Variants in GRK5 observed in about 807,000 individuals in gnomAD.
GRK5 encodes the protein G protein-coupled receptor kinase 5.
In GRK5, 40 loss-of-function variants were observed where a neutral mutation model predicts 78.4. The ratio of observed to expected loss-of-function variants is 0.51; its 90% CI spans 0.40 to 0.66. The LOEUF (loss-of-function observed/expected upper bound fraction) is 0.66. Ranked by LOEUF, GRK5 falls within the 30% of genes least tolerant of loss-of-function variation. The probability of loss-of-function intolerance (pLI) is 0.00; values close to 1 mark genes in which losing one functional copy is unlikely to be tolerated. For missense variants in GRK5, 598 were observed against 759.9 expected (o/e 0.79, Z 2.50); for synonymous variants, 289 against 296.8 (o/e 0.97, Z 0.27).
At chr10:119,394,388 CTGTGT>C (rs1851979303) in intron 3 of GRK5, among the ~76,000 whole-genome samples, 1 of 20,542 alleles carries the variant, frequency 4.9e-5, no homozygotes, top group African/African-American at 2.0e-4. Flanking sequence ...GTGTGTGTAT[CTGTGT>C]CTGTGTGTGG....
At chr10:119,286,310 G>A (rs1849845537) in intron 1 of GRK5, among the ~76,000 whole-genome samples, 1 of 152,244 alleles carries the variant, frequency 6.6e-6, no homozygotes. Context: ...TTCCCAAAGT[G>A]CTTTAAGTCC....
chr10:119,418,592 G>T (rs1852510040), intron 4 of GRK5, among the ~76,000 whole-genome samples: 1 of 152,178 alleles, frequency 6.6e-6, no homozygotes, highest in Non-Finnish European at 1.5e-5. Context: ...ACTCTGGCAG[G>T]GCCAGGCTGA....
intron 1 of GRK5, among the ~76,000 whole-genome samples, chr10:119,300,563 C>T (rs766273315): frequency 7.9e-5 from 12 of 152,290 alleles, no homozygotes; most frequent in Middle Eastern, 3.4e-3. Context: ...GATAGTCGCC[C>T]AGCTTATAAA....
chr10:119,428,659 C>T (rs1852750691), intron 6 of GRK5, among the ~76,000 whole-genome samples: 1 of 152,104 alleles, frequency 6.6e-6, no homozygotes, highest in African/African-American at 2.4e-5. Flanking sequence ...TGGTCACTGG[C>T]TTTCCTTTTT....
intron 9 of GRK5, among the ~76,000 whole-genome samples, chr10:119,439,242 G>A (rs990280885): frequency 6.6e-6 from 1 of 152,280 alleles, no homozygotes; most frequent in Non-Finnish European, 1.5e-5. Flanking sequence ...CCAGGCTGTA[G>A]CGTAGCTGGT....
chr10:119,314,257 C>T (rs1047409353), intron 1 of GRK5, among the ~76,000 whole-genome samples: 2 of 152,258 alleles, frequency 1.3e-5, no homozygotes, highest in Non-Finnish European at 2.9e-5. Flanking sequence ...TCCAGCCCCT[C>T]TCGCCGCCTC....
chr10:119,387,201 G>A (rs1272650338), intron 3 of GRK5, among the ~76,000 whole-genome samples: 8 of 152,112 alleles, frequency 5.3e-5, no homozygotes, highest in Non-Finnish European at 7.4e-5. Context: ...ATGGGGTTTC[G>A]CCATGTTGGC....
At chr10:119,346,894 C>G (rs185452384) in intron 2 of GRK5, among the ~76,000 whole-genome samples, 3 of 152,184 alleles carry the variant, frequency 2.0e-5, no homozygotes, top group Non-Finnish European at 4.4e-5. Flanking sequence ...CTCTCGGGCC[C>G]GTGTGGAGGG....
At chr10:119,394,181 G>GTGTGAGTATCCGT (rs1371175834) in intron 3 of GRK5, among the ~76,000 whole-genome samples, 3 of 33,350 alleles carry the variant, frequency 9.0e-5, no homozygotes, top group Non-Finnish European at 1.3e-4. Context: ...TGTGTGTGTG[G>GTGTGAGTATCCGT]GTGTCTGTGT....
chr10:119,318,509 C>T (rs1850529609), intron 1 of GRK5, among the ~76,000 whole-genome samples: 1 of 152,186 alleles, frequency 6.6e-6, no homozygotes, highest in South Asian at 2.1e-4. Context: ...CTTAGACCGT[C>T]CACATCACCA....
At chr10:119,216,739 G>A (rs1260765182) in intron 1 of GRK5, among the ~76,000 whole-genome samples, 3 of 152,146 alleles carry the variant, frequency 2.0e-5, no homozygotes, top group East Asian at 1.9e-4. Flanking sequence ...GATCACTTGC[G>A]GTCAGGAGTT....
Position 119,240,107 on chromosome 10 carries a change from A to G in GRK5, c.52+32138A>G, listed in dbSNP as rs148899811. Among the ~76,000 whole-genome samples, 1,502 of 151,434 alleles carry G rather than the reference A, an allele frequency of 9.9e-3. 30 individuals carry two copies. Among genetic ancestry groups the G allele is most frequent in the African/African-American group, 0.035 (1,440 of 41,236 alleles). The stretch of plus-strand genomic sequence containing the variant: ...AGGAATCACCACATTGTCTTCCACA[A>G]TGGTAGAACTAATTTACATTCCCAC... On this transcript the variant is annotated intron_variant, in intron 1 of 15. Coordinates refer to ENST00000392870, the MANE Select transcript of GRK5 (RefSeq NM_005308.3).
intron 3 of GRK5, among the ~76,000 whole-genome samples, chr10:119,384,428 T>A (rs1490560990): frequency 6.6e-6 from 1 of 152,200 alleles, no homozygotes; most frequent in Non-Finnish European, 1.5e-5. Flanking sequence ...GGTGAGACCA[T>A]GGGCAGGTGT....
chr10:119,450,829 G>T (rs996653696), intron 13 of GRK5, among the ~76,000 whole-genome samples: 10 of 152,110 alleles, frequency 6.6e-5, no homozygotes, highest in Non-Finnish European at 1.0e-4. Context: ...CAGGGCCTCT[G>T]TTCCTGGCAT....
At chr10:119,298,032 T>A (rs921511211) in intron 1 of GRK5, among the ~76,000 whole-genome samples, 1 of 152,142 alleles carries the variant, frequency 6.6e-6, no homozygotes, top group African/African-American at 2.4e-5. Context: ...CTATGTTTCT[T>A]CCTGAAATAT....
At chr10:119,242,283 C>G (rs1368212891) in intron 1 of GRK5, among the ~76,000 whole-genome samples, 1 of 151,814 alleles carries the variant, frequency 6.6e-6, no homozygotes, top group Non-Finnish European at 1.5e-5. Context: ...AGTTTTACTG[C>G]CAGGTGGGGA....
Position 119,417,132 on chromosome 10 carries a change from G to A in GRK5, c.340-6034G>A, listed in dbSNP as rs143494196. On this transcript the variant is annotated intron_variant, in intron 4 of 15. Transcript: ENST00000392870. ...GTGGAGGCAGAACTGGGGTTGGGCT[G>A]TCGCCTGCCCTTGTGCTTGGGTCCC... 3.6e-3 allele frequency among the ~76,000 whole-genome samples: 553 copies of A among 152,342 alleles called. 7 individuals are homozygous for A. Among genetic ancestry groups the A allele is most frequent in the Non-Finnish European group, 2.9e-3 (197 of 68,022 alleles).
At chr10:119,428,941 T>TCAAC (rs1852757865) in intron 6 of GRK5, among the ~76,000 whole-genome samples, 1 of 152,224 alleles carries the variant, frequency 6.6e-6, no homozygotes, top group South Asian at 2.1e-4. Flanking sequence ...TGCGGAGATG[T>TCAAC]CAACCAACCG....
chr10:119,216,942 A>AT (rs553917058), intron 1 of GRK5, among the ~76,000 whole-genome samples: 5 of 152,034 alleles, frequency 3.3e-5, no homozygotes, highest in Non-Finnish European at 7.4e-5. Flanking sequence ...TAAAATAATA[A>AT]TTTAAAAAAA....
Sources: allele counts gnomAD v4.1 joint callset (sites outside exome capture counted in the v4.1 genomes callset), GRCh38; gene constraint gnomAD v4.1.1; transcripts MANE v1.5; gene names NCBI Gene and HGNC (gene_info 2026-07-23, HGNC 2026-07-21).